The following CTNNA3 variants were observed in gnomAD, a reference collection of about 807,000 sequenced individuals.
CTNNA3 encodes catenin alpha-3.
Under a neutral mutation model 95.7 loss-of-function variants are expected in CTNNA3, and 76 were observed. That is an observed-to-expected ratio of 0.79 (90% CI 0.66 to 0.96). The LOEUF is 0.96. CTNNA3 is among the 40% of genes least tolerant of loss of function. The probability of loss-of-function intolerance (pLI) is 0.00; values close to 1 mark genes in which losing one functional copy is unlikely to be tolerated. For missense variants in CTNNA3, 1,191 were observed against 1,089.8 expected (o/e 1.09, Z -1.31); for synonymous variants, 431 against 374.4 (o/e 1.15, Z -1.74).
chr10:67,319,772 T>C (rs750615522), intron 5 of CTNNA3, among the ~76,000 whole-genome samples: 4 of 151,912 alleles, frequency 2.6e-5, no homozygotes, highest in Non-Finnish European at 4.4e-5. Context: ...GGCGGGTGCC[T>C]GTAATCCCAG....
At chr10:66,631,444 T>C (rs1233868733) in intron 9 of CTNNA3, among the ~76,000 whole-genome samples, 1 of 152,144 alleles carries the variant, frequency 6.6e-6, no homozygotes, top group South Asian at 2.1e-4. Flanking sequence ...ATGTTGTTTA[T>C]TCCCAGAATG....
At chr10:67,411,677 G>A (rs1219848277) in intron 5 of CTNNA3, among the ~76,000 whole-genome samples, 1 of 152,046 alleles carries the variant, frequency 6.6e-6, no homozygotes, top group African/African-American at 2.4e-5. Flanking sequence ...ATATTAAATA[G>A]AATAAAAAAT....
chr10:66,214,700 C>T (rs908000390), intron 13 of CTNNA3, among the ~76,000 whole-genome samples: 18 of 152,110 alleles, frequency 1.2e-4, no homozygotes, highest in Admixed American at 9.2e-4. Context: ...AAGAAAATGA[C>T]TCTTCCTTCT....
At chr10:66,708,926 T>C (rs529788289) in intron 9 of CTNNA3, among the ~76,000 whole-genome samples, 1 of 152,222 alleles carries the variant, frequency 6.6e-6, no homozygotes, top group South Asian at 2.1e-4. Context: ...TTCTTTTCCA[T>C]TTTTCTATCT....
Position 66,047,770 on chromosome 10 carries a change from C to T in CTNNA3, c.2159+21538G>A, listed in dbSNP as rs145811565. On this transcript the variant is annotated intron_variant, in intron 15 of 17. Transcript: ENST00000433211. ...CAAAATCTCCTCCAGCTGATACCTT[C>T]GGCAAAGTTGCAGTATATAAAATCA... 4.0e-4 allele frequency among the ~76,000 whole-genome samples: 61 copies of T among 152,178 alleles called. No homozygotes were observed. The Middle Eastern group carries it at 0.024, about 59-fold the overall frequency.
intron 9 of CTNNA3, among the ~76,000 whole-genome samples, chr10:66,723,717 CTATA>C: frequency 6.6e-6 from 1 of 152,208 alleles, no homozygotes; most frequent in East Asian, 1.9e-4. Context: ...AGGTTTTGCT[CTATA>C]TAGTCTGGAT....
chr10:66,524,739 C>G (rs763725546), intron 10 of CTNNA3, among the ~76,000 whole-genome samples: 1 of 151,916 alleles, frequency 6.6e-6, no homozygotes, highest in Non-Finnish European at 1.5e-5. Flanking sequence ...ATAGACTGAA[C>G]CTATAATGTT....
At chr10:67,676,207 C>A (rs1163583930) in intron 1 of CTNNA3, among the ~76,000 whole-genome samples, 1 of 151,966 alleles carries the variant, frequency 6.6e-6, no homozygotes, top group African/African-American at 2.4e-5. Flanking sequence ...TAAGAAATCA[C>A]AAAACTTGAT....
At chr10:67,560,130 C>T (rs1368278752) in intron 3 of CTNNA3, among the ~76,000 whole-genome samples, 4 of 152,012 alleles carry the variant, frequency 2.6e-5, no homozygotes, top group Admixed American at 2.6e-4. Flanking sequence ...TCAGGAAATA[C>T]AGAGAACACC....
intron 17 of CTNNA3, among the ~76,000 whole-genome samples, chr10:65,960,183 T>C (rs2077814009): frequency 6.6e-6 from 1 of 152,202 alleles, no homozygotes; most frequent in Non-Finnish European, 1.5e-5. Context: ...TTCATTTCTA[T>C]AAATGTGATT....
chr10:67,376,719 A>C (rs557746035), intron 5 of CTNNA3, among the ~76,000 whole-genome samples: 1 of 152,340 alleles, frequency 6.6e-6, no homozygotes, highest in African/African-American at 2.4e-5. Context: ...TAGCAGAGTA[A>C]GAGACAAACT....
At chr10:67,289,782 G>A (rs1003402349) in intron 5 of CTNNA3, among the ~76,000 whole-genome samples, 11 of 139,114 alleles carry the variant, frequency 7.9e-5, no homozygotes, top group African/African-American at 2.0e-4. Flanking sequence ...ATGGATGGAC[G>A]GATGGATGGA....
chr10:67,567,078 G>T (rs1353408749), intron 3 of CTNNA3, among the ~76,000 whole-genome samples: 1 of 149,600 alleles, frequency 6.7e-6, no homozygotes, highest in Non-Finnish European at 1.5e-5. Flanking sequence ...GCTAAATGAC[G>T]AGTTAATGGG....
intron 5 of CTNNA3, among the ~76,000 whole-genome samples, chr10:67,229,928 A>G (rs1456292633): frequency 1.3e-5 from 2 of 152,170 alleles, no homozygotes; most frequent in Non-Finnish European, 2.9e-5. Context: ...TGCAATCCCC[A>G]TCAAAATACT....
intron 7 of CTNNA3, among the ~76,000 whole-genome samples, chr10:67,079,543 TAAAAC>T (rs1020160946): frequency 4.6e-5 from 7 of 152,056 alleles, no homozygotes; most frequent in Non-Finnish European, 1.0e-4. Context: ...ATTAGGAAGA[TAAAAC>T]ATAACAATAA....
At chr10:67,552,201 T>C (rs895694626) in intron 3 of CTNNA3, among the ~76,000 whole-genome samples, 1 of 152,234 alleles carries the variant, frequency 6.6e-6, no homozygotes, top group East Asian at 1.9e-4. Context: ...AATTCAAGGA[T>C]GCATTTGATA....
intron 1 of CTNNA3, among the ~76,000 whole-genome samples, chr10:67,673,862 A>G (rs1320396258): frequency 6.8e-6 from 1 of 146,950 alleles, no homozygotes; most frequent in African/African-American, 2.5e-5. Context: ...GTTCTTAACT[A>G]ATATAATAGA....
chr10:66,160,494 G>A (rs190562946), intron 13 of CTNNA3, among the ~76,000 whole-genome samples: 1 of 151,912 alleles, frequency 6.6e-6, no homozygotes, highest in Non-Finnish European at 1.5e-5. Flanking sequence ...TGGCTTTGAA[G>A]GTTCCTTTTG....
At chr10:67,248,544 G>T (rs1214632819) in intron 5 of CTNNA3, among the ~76,000 whole-genome samples, 1 of 151,858 alleles carries the variant, frequency 6.6e-6, no homozygotes, top group Non-Finnish European at 1.5e-5. Context: ...GCCCCCCAAA[G>T]AGCTGGGACT....
Sources: allele counts gnomAD v4.1 joint callset (sites outside exome capture counted in the v4.1 genomes callset), GRCh38; gene constraint gnomAD v4.1.1; transcripts MANE v1.5; gene names NCBI Gene and HGNC (gene_info 2026-07-23, HGNC 2026-07-21).